The following TNFRSF21 variants were observed in gnomAD, a reference collection of about 807,000 sequenced individuals.
TNFRSF21 encodes TNF receptor superfamily member 21, also known as tumor necrosis factor receptor superfamily member 21.
TNFRSF21 carries 19 observed loss-of-function variants against 45.6 expected under a neutral mutation model. That is an observed-to-expected ratio of 0.42 (90% confidence interval 0.29 to 0.61). The LOEUF is 0.61. Ranked by LOEUF, TNFRSF21 falls within the 20% of genes least tolerant of loss-of-function variation. The pLI is 0.23. For missense variants in TNFRSF21, 737 were observed against 851.5 expected (o/e 0.87, Z 1.67); for synonymous variants, 314 against 335.5 (o/e 0.94, Z 0.70).
intron 4 of TNFRSF21, among the ~76,000 whole-genome samples, 163 bp downstream of exon 4, chr6:47,253,093 T>TA (rs1481112591): frequency 6.6e-6 from 1 of 151,694 alleles, no homozygotes; most frequent in African/African-American, 2.4e-5. Flanking sequence ...ACCCCCGTCC[T>TA]AGAAGGTAGG....
At chr6:47,271,477 CA>C (rs1762418152) in intron 3 of TNFRSF21, among the ~76,000 whole-genome samples, 1 of 152,156 alleles carries the variant, frequency 6.6e-6, no homozygotes. Flanking sequence ...GAGATTTTGT[CA>C]CCACCAGGCC....
chr6:47,237,253 T>C (rs1764675200), intron 4 of TNFRSF21, among the ~76,000 whole-genome samples: 1 of 152,192 alleles, frequency 6.6e-6, no homozygotes, highest in African/African-American at 2.4e-5. Context: ...TGGTTGCATT[T>C]TGACTTCATC....
chr6:47,270,276 G>A (rs375561760), intron 3 of TNFRSF21, among the ~76,000 whole-genome samples: 7 of 152,218 alleles, frequency 4.6e-5, no homozygotes, highest in African/African-American at 1.4e-4. Context: ...TGCCCCTCCC[G>A]GATGAAGCTT....
intron 4 of TNFRSF21, among the ~76,000 whole-genome samples, chr6:47,244,147 C>T (rs1373827414): frequency 6.6e-6 from 1 of 151,950 alleles, no homozygotes; most frequent in Non-Finnish European, 1.5e-5. Context: ...CGGTGAAACC[C>T]CATCTCTACT....
chr6:47,287,478 G>A (rs1019070299), intron 1 of TNFRSF21, among the ~76,000 whole-genome samples: 1 of 151,502 alleles, frequency 6.6e-6, no homozygotes. Context: ...TTTAGAAGAT[G>A]TATTTTAATA....
At position 47,284,023 on chromosome 6, in the gene TNFRSF21, A is replaced by C. The variant is rs1282867894; in HGVS notation, c.1158T>G (p.Ser386Arg). ...TCAGCCCTGCCTTTTCCACAATGGC[A>C]CTGGGATCCTGCCGGGGCCCCTTTT... is the stretch of plus-strand genomic sequence containing the variant. ...TLKKGPRQDP[S>R]AIVEKAGLKK... The change falls in exon 3 of 6, where the codon AGT (serine) becomes AGG (arginine). Residue 386 changes from serine (S) to arginine (R), a missense_variant. Ser to Arg is a moderately radical substitution (Grantham distance 110, BLOSUM62 -1). Transcript: ENST00000296861. 2.5e-6 allele frequency: 4 copies of C among 1,614,182 alleles called. No individual in the cohort carries two copies. The East Asian group carries it at 8.9e-5, about 36-fold the overall frequency.
intron 1 of TNFRSF21, among the ~76,000 whole-genome samples, chr6:47,306,857 T>C (rs1208232026): frequency 6.6e-6 from 1 of 152,204 alleles, no homozygotes; most frequent in Non-Finnish European, 1.5e-5. Flanking sequence ...CTAACTGTAA[T>C]ACGTGGGCAG....
At position 47,233,010 on chromosome 6, in the gene TNFRSF21, G is replaced by A. The variant is rs1764610996; in HGVS notation, c.1739-16C>T. ...TCCTTCTTTTCTGCAGAGAAGAGAGGGAAGCAAAGACAGCTGTAAGGTGAC... is the reference window on the plus strand; with the variant it reads ...TCCTTCTTTTCTGCAGAGAAGAGAGAGAAGCAAAGACAGCTGTAAGGTGAC... On this transcript the variant is annotated splice_polypyrimidine_tract_variant and intron_variant, in intron 5 of 5. Transcript: ENST00000296861. The A allele has an allele frequency of 6.2e-7, 1 of 1,613,008 alleles. No homozygotes were observed. The highest frequency in any genetic ancestry group is 1.3e-5 in the African/African-American group (1 of 74,918).
intron 2 of TNFRSF21, among the ~76,000 whole-genome samples, 167 bp from the exon 3 acceptor site, chr6:47,284,599 C>A (rs551246792): frequency 6.6e-6 from 1 of 152,292 alleles, no homozygotes; most frequent in African/African-American, 2.4e-5. Flanking sequence ...ACCCTAATGG[C>A]ACCTTCATGT....
At chr6:47,249,809 T>C (rs762492883) in intron 4 of TNFRSF21, among the ~76,000 whole-genome samples, 2 of 152,188 alleles carry the variant, frequency 1.3e-5, no homozygotes, top group African/African-American at 4.8e-5. Context: ...TAATTAAGCA[T>C]GTGTGTTGTA....
Position 47,284,279 on chromosome 6 carries a change from T to G in TNFRSF21, c.902A>C (p.Gln301Pro). The G allele has an allele frequency of 6.2e-7, 1 of 1,611,626 alleles. No individual in the cohort carries two copies. The highest frequency in any genetic ancestry group is 8.5e-7 in the Non-Finnish European group (1 of 1,178,730). Residue 301 changes from glutamine (Q) to proline (P), a missense_variant, in exon 3 of 6, where the codon CAG becomes CCG. Gln to Pro is a moderately conservative substitution (Grantham distance 76, BLOSUM62 -1). Transcript: ENST00000296861. The part of the protein sequence containing the change: ...TLPNLQVVNH[Q>P]QGPHHRHILK... ...GATGTGTCTGTGGTGGGGGCCTTGCTGGTGGTTGACTACCTGAAGGTTTGG... is the reference window on the plus strand; with the variant it reads ...GATGTGTCTGTGGTGGGGGCCTTGCGGGTGGTTGACTACCTGAAGGTTTGG...
At chr6:47,254,562 A>G (rs1309603898) in intron 3 of TNFRSF21, among the ~76,000 whole-genome samples, 1 of 152,162 alleles carries the variant, frequency 6.6e-6, no homozygotes, top group Non-Finnish European at 1.5e-5. Context: ...TTAAAACTGT[A>G]ATGGACTTTA....
intron 1 of TNFRSF21, among the ~76,000 whole-genome samples, chr6:47,306,855 A>AAT (rs1039764442): frequency 6.6e-6 from 1 of 152,204 alleles, no homozygotes; most frequent in African/African-American, 2.4e-5. Context: ...ATCTAACTGT[A>AAT]ATACGTGGGC....
intron 1 of TNFRSF21, among the ~76,000 whole-genome samples, chr6:47,293,769 A>G (rs1203403413): frequency 6.6e-6 from 1 of 152,226 alleles, no homozygotes. Context: ...TTAGGATGAA[A>G]GGCAAAGTCT....
chr6:47,306,830 G>A (rs780674773), intron 1 of TNFRSF21, among the ~76,000 whole-genome samples: 4 of 152,226 alleles, frequency 2.6e-5, no homozygotes, highest in South Asian at 2.1e-4. Context: ...ATTTTACTGG[G>A]ATTATTACTT....
At chr6:47,262,086 G>A (rs959541445) in intron 3 of TNFRSF21, among the ~76,000 whole-genome samples, 1 of 152,086 alleles carries the variant, frequency 6.6e-6, no homozygotes, top group Non-Finnish European at 1.5e-5. Flanking sequence ...CTAGTTGAAG[G>A]TTTAATAGAC....
rs1189748253 is a variant in TNFRSF21 at position 47,296,473 on chromosome 6, ATGATTGTCGGCTGGGGGC to A, written c.97-9896_97-9879del. Reference sequence around the variant, plus strand: ...ATAGTGTCTTTTGTATGCTAATGAGATGATTGTCGGCTGGGGGCTGCTAGGTAGCTTCTGGATAGGGGC... The same window carrying A: ...ATAGTGTCTTTTGTATGCTAATGAGATGCTAGGTAGCTTCTGGATAGGGGC... On this transcript the variant is annotated intron_variant, in intron 1 of 5. Coordinates refer to ENST00000296861, the MANE Select transcript of TNFRSF21 (RefSeq NM_014452.5). 8.5e-5 allele frequency among the ~76,000 whole-genome samples: 13 copies of A among 152,128 alleles called. No individual in the cohort carries two copies. The South Asian group carries it at 2.5e-3, about 29-fold the overall frequency.
intron 5 of TNFRSF21, 145 bp downstream of exon 5, chr6:47,234,525 T>G (rs1328760551): frequency 1.4e-6 from 1 of 702,018 alleles, no homozygotes; most frequent in Middle Eastern, 3.7e-4. Flanking sequence ...CAGCGTATCT[T>G]GAAGTTTTGG....
chr6:47,309,450 G>T lies in TNFRSF21; in HGVS notation c.62C>A (p.Ala21Asp), dbSNP rs1258276172. The T allele has an allele frequency of 5.9e-6, 9 of 1,536,296 alleles. No homozygotes were observed. Among genetic ancestry groups the T allele is most frequent in the Non-Finnish European group, 7.8e-6 (9 of 1,148,572 alleles). The change falls in exon 1 of 6, where the codon GCC becomes GAC. Residue 21 changes from alanine (A) to aspartate (D), a missense_variant. Physicochemically the swap from Ala to Asp is moderately radical, Grantham distance 126. Transcript: ENST00000296861. ...GGAGCCCGCGATCATCGTGGCTGTG[G>T]CTCGGCGGGCGATGCGGCTGCAGGA... ...LASCSRIARRATATMIAGSLL... is the reference protein window; with the variant it reads ...LASCSRIARRDTATMIAGSLL...
Sources: allele counts gnomAD v4.1 joint callset (sites outside exome capture counted in the v4.1 genomes callset), GRCh38; gene constraint gnomAD v4.1.1; transcripts MANE v1.5; gene names NCBI Gene and HGNC (gene_info 2026-07-23, HGNC 2026-07-21).